Variants in CDYL2 observed in about 807,000 individuals in gnomAD.
CDYL2 encodes chromodomain Y like 2.
CDYL2 carries 23 observed loss-of-function variants against 49.4 expected under a neutral mutation model. That is an observed-to-expected ratio of 0.47 (90% CI 0.34 to 0.66). The LOEUF is 0.66. CDYL2 is among the 30% of genes least tolerant of loss of function. CDYL2 has a pLI of 0.01. For missense variants in CDYL2, 678 were observed against 656.4 expected, an observed-to-expected ratio of 1.03 and a Z score of -0.36; for synonymous variants, 360 against 268.8, an observed-to-expected ratio of 1.34 and a Z score of -3.32.
At chr16:80,657,644 C>A (rs1908866627) in intron 2 of CDYL2, among the ~76,000 whole-genome samples, 1 of 152,022 alleles carries the variant, frequency 6.6e-6, no homozygotes, top group African/African-American at 2.4e-5. Context: ...AAGACCTTGA[C>A]AATATACTCT....
chr16:80,762,195 A>AT (rs1377966895), intron 1 of CDYL2, among the ~76,000 whole-genome samples: 5 of 152,178 alleles, frequency 3.3e-5, no homozygotes, highest in African/African-American at 1.2e-4. Context: ...AAATAAATAA[A>AT]TAAAAAACAA....
chr16:80,715,220 C>T (rs572705762), intron 1 of CDYL2, among the ~76,000 whole-genome samples: 16 of 152,230 alleles, frequency 1.1e-4, no homozygotes, highest in African/African-American at 3.9e-4. Context: ...CTGGCTCAGG[C>T]ACTGACGTGG....
Position 80,608,218 on chromosome 16 carries a change from G to C in CDYL2, c.1236C>G (p.Phe412Leu), listed in dbSNP as rs1464422532. 1 of 1,582,430 alleles carries C rather than the reference G, an allele frequency of 6.3e-7. No individual in the cohort carries two copies. Among genetic ancestry groups the C allele is most frequent in the Non-Finnish European group, 8.6e-7 (1 of 1,163,376 alleles). The stretch of plus-strand genomic sequence containing the variant: ...CCTGGGCGGTGAGCTTCCGCCCACA[G>C]AACAGCATCTCATTGGCCTGAAAAA... ...LGVALANEML[F>L]CGRKLTAQEA... Residue 412 changes from phenylalanine (F) to leucine (L), a missense_variant, in exon 6 of 7, where the codon TTC becomes TTG. Phe to Leu is a conservative substitution (Grantham distance 22). Around this residue, in one of 3 missense-constraint regions of CDYL2, gnomAD observed 153 missense variants for 150.6 expected, o/e 1.02. Coordinates refer to ENST00000570137, the MANE Select transcript of CDYL2 (RefSeq NM_152342.4).
At chr16:80,746,693 T>C (rs1326706247) in intron 1 of CDYL2, among the ~76,000 whole-genome samples, 3 of 152,146 alleles carry the variant, frequency 2.0e-5, no homozygotes, top group African/African-American at 7.2e-5. Context: ...AGGCCCCCTT[T>C]TGCAGGTGTG....
chr16:80,712,191 G>GCACA (rs1555532110), intron 1 of CDYL2, among the ~76,000 whole-genome samples: 1 of 107,934 alleles, frequency 9.3e-6, no homozygotes, highest in African/African-American at 2.9e-5. Context: ...GTCTGTGTGT[G>GCACA]TATATATATA....
At chr16:80,670,857 C>T (rs1350918626) in intron 2 of CDYL2, 1 of 454,934 alleles carries the variant, frequency 2.2e-6, no homozygotes. Flanking sequence ...ATAAAAGGGG[C>T]TCTATACACA....
intron 1 of CDYL2, among the ~76,000 whole-genome samples, chr16:80,794,635 G>C (rs998816805): frequency 1.3e-4 from 13 of 101,934 alleles, no homozygotes; most frequent in Non-Finnish European, 2.3e-4. Flanking sequence ...TTTTGGGACA[G>C]AGTTCTGCTC....
intron 1 of CDYL2, among the ~76,000 whole-genome samples, chr16:80,720,778 T>A (rs1396886362): frequency 6.6e-6 from 1 of 152,210 alleles, no homozygotes; most frequent in Non-Finnish European, 1.5e-5. Flanking sequence ...AAGATTTCAG[T>A]AGGCTGGCCT....
At chr16:80,707,467 A>T (rs901620539) in intron 1 of CDYL2, among the ~76,000 whole-genome samples, 7 of 152,204 alleles carry the variant, frequency 4.6e-5, no homozygotes, top group Admixed American at 6.5e-5. Context: ...TCTCAAAAAA[A>T]AGAAAAGAAG....
intron 1 of CDYL2, among the ~76,000 whole-genome samples, chr16:80,705,845 T>G (rs1056730265): frequency 2.0e-5 from 3 of 152,280 alleles, no homozygotes; most frequent in African/African-American, 7.2e-5. Context: ...GTGGCCATAG[T>G]TTGCCAACCC....
At chr16:80,693,001 C>G (rs1380975991) in intron 1 of CDYL2, among the ~76,000 whole-genome samples, 1 of 152,032 alleles carries the variant, frequency 6.6e-6, no homozygotes, top group East Asian at 1.9e-4. Flanking sequence ...AAAGGAATGA[C>G]ACACACAACA....
chr16:80,737,580 T>C (rs1293166623), intron 1 of CDYL2, among the ~76,000 whole-genome samples: 1 of 152,184 alleles, frequency 6.6e-6, no homozygotes, highest in African/African-American at 2.4e-5. Flanking sequence ...CTGTTGCTGC[T>C]GCTGCTAGTG....
intron 1 of CDYL2, among the ~76,000 whole-genome samples, chr16:80,722,155 G>A (rs1257161224): frequency 6.6e-6 from 1 of 152,056 alleles, no homozygotes; most frequent in African/African-American, 2.4e-5. Flanking sequence ...AATATTGGCT[G>A]CAAAATAGAA....
chr16:80,765,876 C>CAA (rs554710623), intron 1 of CDYL2, among the ~76,000 whole-genome samples: 10,322 of 47,114 alleles, frequency 0.22, 1,225 homozygotes, highest in African/African-American at 0.26. Context: ...CCCTCATCTA[C>CAA]AAAAAAAAAA....
chr16:80,631,031 C>T (rs989801263), intron 3 of CDYL2, among the ~76,000 whole-genome samples: 1 of 152,056 alleles, frequency 6.6e-6, no homozygotes, highest in African/African-American at 2.4e-5. Flanking sequence ...ATTGCAAGGA[C>T]AGAAAAAGGG....
chr16:80,753,404 T>C (rs562896345), intron 1 of CDYL2, among the ~76,000 whole-genome samples: 14 of 151,858 alleles, frequency 9.2e-5, no homozygotes, highest in Non-Finnish European at 2.1e-4. Context: ...AAGTCGGGAG[T>C]TCGAGACCAG....
At chr16:80,644,424 T>G (rs1030288283) in intron 2 of CDYL2, among the ~76,000 whole-genome samples, 6 of 152,246 alleles carry the variant, frequency 3.9e-5, no homozygotes, top group Non-Finnish European at 8.8e-5. Flanking sequence ...CCAAAGTCAC[T>G]TCCACATTTT....
At chr16:80,777,539 T>C (rs1907128610) in intron 1 of CDYL2, among the ~76,000 whole-genome samples, 1 of 152,002 alleles carries the variant, frequency 6.6e-6, no homozygotes. Flanking sequence ...AGATGAAGGG[T>C]ATAACCAAAT....
At chr16:80,604,753 T>C (rs890173881) in intron 6 of CDYL2, among the ~76,000 whole-genome samples, 3 of 152,190 alleles carry the variant, frequency 2.0e-5, no homozygotes, top group African/African-American at 7.2e-5. Flanking sequence ...TGTGAGGCCC[T>C]GGGATGGCTC....
Sources: gnomAD v4.1 joint callset for allele counts (sites outside exome capture counted in the v4.1 genomes callset) on GRCh38, gnomAD v4.1.1 for gene constraint, gnomAD v4.1.1 regional missense constraint, MANE v1.5 for transcripts, NCBI Gene and HGNC (gene_info 2026-07-23, HGNC 2026-07-21) for gene names.